Variants in DOCK10 observed in about 807,000 individuals in gnomAD.
DOCK10 encodes dedicator of cytokinesis 10.
DOCK10 carries 145 observed loss-of-function variants against 280.1 expected under a neutral mutation model. The ratio of observed to expected loss-of-function variants is 0.52; its 90% CI spans 0.45 to 0.59. The LOEUF is 0.59. DOCK10 is among the 20% of genes least tolerant of loss of function. The probability of loss-of-function intolerance (pLI) is 0.00; values close to 1 mark genes in which losing one functional copy is unlikely to be tolerated. For synonymous variants in DOCK10, 915 were observed against 942.2 expected (o/e 0.97, Z 0.53); for missense variants, 2,368 against 2,651.7 (o/e 0.89, Z 2.35).
chr2:224,960,928 CG>C (rs1704340470), intron 1 of DOCK10, among the ~76,000 whole-genome samples: 1 of 151,526 alleles, frequency 6.6e-6, no homozygotes, highest in Non-Finnish European at 1.5e-5. Context: ...TTAGTAGAGA[CG>C]GGGTTTCACC....
intron 1 of DOCK10, among the ~76,000 whole-genome samples, chr2:224,988,189 T>A (rs1250852862): frequency 2.0e-5 from 3 of 152,154 alleles, no homozygotes; most frequent in African/African-American, 7.2e-5. Context: ...CGGGCATTGC[T>A]TCACAGCCCT....
intron 1 of DOCK10, among the ~76,000 whole-genome samples, chr2:225,034,133 T>C (rs1271220191): frequency 6.6e-6 from 1 of 152,234 alleles, no homozygotes; most frequent in African/African-American, 2.4e-5. Context: ...CTCTGAGGGT[T>C]TCTTTTCTCT....
At chr2:224,923,596 A>G (rs553688823) in intron 2 of DOCK10, among the ~76,000 whole-genome samples, 2 of 152,330 alleles carry the variant, frequency 1.3e-5, no homozygotes, top group African/African-American at 4.8e-5. Flanking sequence ...GCCTGCAGAC[A>G]TGGTCTAGGG....
chr2:224,819,464 G>A lies in DOCK10; in HGVS notation c.3249C>T (p.Phe1083=). 6.2e-7 allele frequency: 1 copy of A among 1,609,408 alleles called. No homozygotes were observed. Among genetic ancestry groups the A allele is most frequent in the Non-Finnish European group, 8.5e-7 (1 of 1,177,524 alleles). Reference sequence around the variant, plus strand: ...TTCTTACCTTAAGGTCACCGGAGGAGAACATGCTGATGTAATTGTTGACCA... The same window carrying A: ...TTCTTACCTTAAGGTCACCGGAGGAAAACATGCTGATGTAATTGTTGACCA... ...FKMVNNYISM[F]SSGDLKTLCQ... The change falls in exon 29 of 56, where the codon TTC becomes TTT. Residue 1083 remains phenylalanine, a synonymous_variant. Coordinates refer to ENST00000258390, the MANE Select transcript of DOCK10 (RefSeq NM_014689.3).
intron 3 of DOCK10, among the ~76,000 whole-genome samples, chr2:224,908,567 C>T (rs909630081): frequency 3.9e-5 from 6 of 152,122 alleles, no homozygotes; most frequent in African/African-American, 9.7e-5. Context: ...ACGCATGGCT[C>T]AGTCATGCAG....
Position 224,874,689 on chromosome 2 carries a change from T to C in DOCK10, c.994A>G (p.Asn332Asp). The C allele has an allele frequency of 6.2e-7, 1 of 1,613,964 alleles. No individual in the cohort carries two copies. Among genetic ancestry groups the C allele is most frequent in the Non-Finnish European group, 8.5e-7 (1 of 1,179,860 alleles). Residue 332 changes from asparagine to aspartate, a missense_variant, in exon 9 of 56, where the codon AAC becomes GAC. Asn to Asp is a conservative substitution (Grantham distance 23). Transcript: ENST00000258390. ...TPEETDSSEN[N>D]LHADFAKYLT... Reference sequence around the variant, plus strand: ...ACCTTTGCAAAGTCTGCGTGTAGGTTGTTCTCTGAAGAATCTGTTTCCTCT... The same window carrying C: ...ACCTTTGCAAAGTCTGCGTGTAGGTCGTTCTCTGAAGAATCTGTTTCCTCT...
intron 1 of DOCK10, among the ~76,000 whole-genome samples, chr2:225,025,667 A>G (rs1689900672): frequency 6.6e-6 from 1 of 152,222 alleles, no homozygotes; most frequent in African/African-American, 2.4e-5. Flanking sequence ...TCTCAGAAGC[A>G]TTGGACCGAA....
intron 4 of DOCK10, chr2:224,893,734 CT>C: frequency 2.8e-6 from 1 of 362,516 alleles, no homozygotes; most frequent in Admixed American, 4.2e-5. Flanking sequence ...TTTTTTTTTG[CT>C]TTTCTATAAT....
chr2:224,874,254 A>T lies in DOCK10; in HGVS notation c.1101+12T>A. 3 of 1,610,924 alleles carry T rather than the reference A, an allele frequency of 1.9e-6. No homozygotes were observed. Among genetic ancestry groups the T allele is most frequent in the African/African-American group, 2.7e-5 (2 of 74,992 alleles). ...TCAAGTTCATATCTGCTTAGAAAAA[A>T]TTTTGACTTACATCTATGTCTGGAT... is the stretch of plus-strand genomic sequence containing the variant. On this transcript the variant is annotated intron_variant, in intron 10 of 55. Coordinates refer to ENST00000258390, the MANE Select transcript of DOCK10 (RefSeq NM_014689.3).
Position 225,035,578 on chromosome 2 carries a change from AT to A in DOCK10, c.123+6673del, listed in dbSNP as rs1559986956. On this transcript the variant is annotated intron_variant, in intron 1 of 55. Coordinates refer to ENST00000258390, the MANE Select transcript of DOCK10 (RefSeq NM_014689.3). Reference sequence around the variant, plus strand: ...TATATATATATATATATATATATATATATATATATAACACTGAATCAGTGTT... The same window carrying A: ...TATATATATATATATATATATATATAATATATATAACACTGAATCAGTGTT... Among the ~76,000 whole-genome samples the A allele has an allele frequency of 1.2e-3, 121 of 100,548 alleles. 5 individuals are homozygous for A. The highest frequency in any genetic ancestry group is 4.5e-3 in the African/African-American group (96 of 21,102). The allele number at this position is 100,548 out of a possible 152,430, so 66.0% of individuals were successfully genotyped here.
intron 2 of DOCK10, among the ~76,000 whole-genome samples, chr2:224,925,937 T>C (rs1402502087): frequency 6.6e-6 from 1 of 152,262 alleles, no homozygotes; most frequent in Non-Finnish European, 1.5e-5. Context: ...TTTCTTTTCT[T>C]ACTTTCTTTG....
intron 1 of DOCK10, among the ~76,000 whole-genome samples, chr2:224,972,691 G>T (rs1031045360): frequency 6.6e-6 from 1 of 152,048 alleles, no homozygotes; most frequent in Non-Finnish European, 1.5e-5. Flanking sequence ...TTATGATTGT[G>T]GTGGTTTTAA....
At chr2:224,812,216 T>G (rs913703741) in intron 31 of DOCK10, among the ~76,000 whole-genome samples, 56 of 152,170 alleles carry the variant, frequency 3.7e-4, no homozygotes, top group African/African-American at 1.2e-3. Flanking sequence ...CTTGTAAGTT[T>G]GATTCCTAGG....
At chr2:224,849,441 C>A in intron 19 of DOCK10, 66 bp downstream of exon 19, 1 of 1,183,258 alleles carries the variant, frequency 8.5e-7, no homozygotes, top group Non-Finnish European at 1.2e-6. Context: ...TTTCACTGCA[C>A]GGTTATCTGA....
chr2:224,794,569 C>T (rs531151963), intron 45 of DOCK10, among the ~76,000 whole-genome samples: 4 of 152,116 alleles, frequency 2.6e-5, no homozygotes, highest in Admixed American at 1.3e-4. Context: ...ATTAATTTAA[C>T]GACTCAATTC....
At chr2:224,811,236 T>G (rs1290500034) in intron 31 of DOCK10, among the ~76,000 whole-genome samples, 2 of 152,246 alleles carry the variant, frequency 1.3e-5, no homozygotes, top group South Asian at 2.1e-4. Flanking sequence ...TGATGGCCAG[T>G]GACGATGAGC....
At chr2:224,820,554 G>A (rs887921662) in intron 28 of DOCK10, among the ~76,000 whole-genome samples, 3 of 152,196 alleles carry the variant, frequency 2.0e-5, no homozygotes, top group Admixed American at 6.5e-5. Flanking sequence ...CTTTCTTGTC[G>A]AAAGTGTCCA....
chr2:224,886,539 T>TAAAA lies in DOCK10; in HGVS notation c.417-12_417-9dup. On this transcript the variant is annotated splice_polypyrimidine_tract_variant and intron_variant, in intron 4 of 55. Transcript: ENST00000258390. Reference sequence around the variant, plus strand: ...TCTGGTTTGTATTCTGCTCTGATATTAAAAAAAAAAAAAGATTCTGATTTG... The same window carrying TAAAA: ...TCTGGTTTGTATTCTGCTCTGATATTAAAAAAAAAAAAAAAAAGATTCTGATTTG... 1 of 1,383,290 alleles carries TAAAA rather than the reference T, an allele frequency of 7.2e-7. No individual in the cohort carries two copies. Among genetic ancestry groups the TAAAA allele is most frequent in the African/African-American group, 1.5e-5 (1 of 68,436 alleles). The allele number at this position is 1,383,290 out of a possible 1,614,324, so 85.7% of individuals were successfully genotyped here. A position where few individuals can be genotyped will look rare whatever the true frequency, so the allele number is the denominator to read the frequency against.
intron 1 of DOCK10, among the ~76,000 whole-genome samples, chr2:224,937,221 A>G (rs984290507): frequency 1.3e-5 from 2 of 152,202 alleles, no homozygotes; most frequent in Non-Finnish European, 2.9e-5. Context: ...GAAGTTCAGG[A>G]TTTCTTACCT....
Sources: gnomAD v4.1 joint callset for allele counts (sites outside exome capture counted in the v4.1 genomes callset) on GRCh38, gnomAD v4.1.1 for gene constraint, MANE v1.5 for transcripts, NCBI Gene and HGNC (gene_info 2026-07-23, HGNC 2026-07-21) for gene names.